Variants in ARHGAP15 observed in about 807,000 individuals in gnomAD.
The protein encoded by ARHGAP15 is rho GTPase-activating protein 15.
In ARHGAP15, 51 loss-of-function variants were observed where a neutral mutation model predicts 63.7. The ratio of observed to expected loss-of-function variants is 0.80; its 90% CI spans 0.64 to 1.01. The LOEUF (loss-of-function observed/expected upper bound fraction) is 1.01. Ranked by LOEUF, ARHGAP15 falls within the 50% of genes least tolerant of loss-of-function variation. ARHGAP15 has a pLI of 0.00. For synonymous variants in ARHGAP15, 191 were observed against 193.8 expected (o/e 0.99, Z 0.12); for missense variants, 560 against 564.6 (o/e 0.99, Z 0.08).
At chr2:143,637,089 T>C (rs963007232) in intron 12 of ARHGAP15, among the ~76,000 whole-genome samples, 5 of 137,858 alleles carry the variant, frequency 3.6e-5, no homozygotes, top group Non-Finnish European at 1.7e-5. Flanking sequence ...CTCATGACCC[T>C]ATCTAAACTT....
intron 8 of ARHGAP15, among the ~76,000 whole-genome samples, chr2:143,484,157 G>T (rs1692201703): frequency 6.6e-6 from 1 of 152,012 alleles, no homozygotes; most frequent in Non-Finnish European, 1.5e-5. Flanking sequence ...CTTGAGGTCA[G>T]AAGTTCAAGA....
intron 6 of ARHGAP15, among the ~76,000 whole-genome samples, chr2:143,404,740 G>GA (rs1688127663): frequency 6.6e-6 from 1 of 151,906 alleles, no homozygotes; most frequent in Non-Finnish European, 1.5e-5. Flanking sequence ...CTCTGGCATA[G>GA]AGCAACCAAA....
intron 6 of ARHGAP15, chr2:143,351,458 A>G (rs1445846816): frequency 1.3e-5 from 2 of 152,248 alleles, no homozygotes; most frequent in Non-Finnish European, 2.9e-5. Context: ...ATTTCTGGAT[A>G]TAACACTATA....
At chr2:143,222,912 C>G (rs897645776) in intron 4 of ARHGAP15, among the ~76,000 whole-genome samples, 1 of 152,080 alleles carries the variant, frequency 6.6e-6, no homozygotes, top group Non-Finnish European at 1.5e-5. Flanking sequence ...GTTAGCACCC[C>G]TTTTCCCCTT....
chr2:143,155,042 T>C (rs1690022816), intron 1 of ARHGAP15, among the ~76,000 whole-genome samples: 1 of 151,916 alleles, frequency 6.6e-6, no homozygotes, highest in African/African-American at 2.4e-5. Flanking sequence ...TTGTCTTTAT[T>C]CATAGAGATT....
intron 12 of ARHGAP15, among the ~76,000 whole-genome samples, chr2:143,702,969 C>T (rs140106857): frequency 2.8e-3 from 425 of 152,270 alleles, no homozygotes; most frequent in African/African-American, 1.0e-2. Flanking sequence ...GTAACATAGT[C>T]ACACATTCCA....
At chr2:143,506,408 C>A (rs766127087) in intron 9 of ARHGAP15, among the ~76,000 whole-genome samples, 2 of 152,100 alleles carry the variant, frequency 1.3e-5, no homozygotes, top group African/African-American at 2.4e-5. Context: ...CTATAAAGTT[C>A]CTACTTAGTC....
At chr2:143,485,264 C>G (rs989991136) in intron 8 of ARHGAP15, among the ~76,000 whole-genome samples, 2 of 152,046 alleles carry the variant, frequency 1.3e-5, no homozygotes, top group Admixed American at 6.6e-5. Flanking sequence ...TTGAAAGGCC[C>G]TGGTGTGTGG....
chr2:143,488,805 G>A (rs1692441376), intron 9 of ARHGAP15, among the ~76,000 whole-genome samples: 1 of 152,212 alleles, frequency 6.6e-6, no homozygotes, highest in Non-Finnish European at 1.5e-5. Context: ...GAAATTTCAT[G>A]AAGCAAAAGC....
At chr2:143,248,532 T>C (rs1055750728) in intron 5 of ARHGAP15, among the ~76,000 whole-genome samples, 1 of 152,194 alleles carries the variant, frequency 6.6e-6, no homozygotes, top group African/African-American at 2.4e-5. Context: ...TGGCCCCTCC[T>C]TTTCTAGCTG....
chr2:143,356,121 C>T (rs533289445), intron 6 of ARHGAP15, among the ~76,000 whole-genome samples: 1 of 152,080 alleles, frequency 6.6e-6, no homozygotes, highest in Admixed American at 6.6e-5. Context: ...TAATTATTTT[C>T]ATCCGAAGAG....
chr2:143,237,219 A>G (rs1192417688), intron 5 of ARHGAP15: 1 of 152,154 alleles, frequency 6.6e-6, no homozygotes, highest in Non-Finnish European at 1.5e-5. Flanking sequence ...ATATAACTTA[A>G]AAACACATGC....
At chr2:143,574,857 G>A (rs1320220754) in intron 11 of ARHGAP15, among the ~76,000 whole-genome samples, 2 of 152,132 alleles carry the variant, frequency 1.3e-5, no homozygotes, top group Non-Finnish European at 2.9e-5. Flanking sequence ...ATCCTTTGCA[G>A]TGTAAACCTC....
chr2:143,410,218 A>T (rs1162901663), intron 6 of ARHGAP15, among the ~76,000 whole-genome samples: 1 of 152,158 alleles, frequency 6.6e-6, no homozygotes, highest in African/African-American at 2.4e-5. Flanking sequence ...TATTCCTTGT[A>T]ATGTGAACAT....
At chr2:143,713,325 C>T (rs1197615074) in intron 13 of ARHGAP15, among the ~76,000 whole-genome samples, 1 of 152,154 alleles carries the variant, frequency 6.6e-6, no homozygotes, top group Non-Finnish European at 1.5e-5. Flanking sequence ...GACTTATTCA[C>T]TATCACAAGA....
At chr2:143,503,856 A>G (rs1693182814) in intron 9 of ARHGAP15, among the ~76,000 whole-genome samples, 1 of 152,174 alleles carries the variant, frequency 6.6e-6, no homozygotes, top group South Asian at 2.1e-4. Flanking sequence ...GAGCCACTGT[A>G]TTCTGAGAGG....
intron 4 of ARHGAP15, among the ~76,000 whole-genome samples, chr2:143,223,472 C>T (rs1693080976): frequency 6.6e-6 from 1 of 152,220 alleles, no homozygotes; most frequent in South Asian, 2.1e-4. Context: ...TATCCAACAC[C>T]TTAATTTTTG....
intron 6 of ARHGAP15, among the ~76,000 whole-genome samples, chr2:143,254,822 G>T (rs975726708): frequency 1.3e-5 from 2 of 151,510 alleles, no homozygotes; most frequent in African/African-American, 4.9e-5. Context: ...ACTGCTAAGG[G>T]TACAGTTGCA....
intron 11 of ARHGAP15, among the ~76,000 whole-genome samples, chr2:143,613,609 T>C (rs569544221): frequency 1.3e-5 from 2 of 152,328 alleles, no homozygotes; most frequent in Non-Finnish European, 2.9e-5. Context: ...ATAGAATATT[T>C]TGACTTCCCT....
Sources: allele counts gnomAD v4.1 joint callset (sites outside exome capture counted in the v4.1 genomes callset), GRCh38; gene constraint gnomAD v4.1.1; transcripts MANE v1.5; gene names NCBI Gene and HGNC (gene_info 2026-07-23, HGNC 2026-07-21).